Variants in GRID2 observed in about 807,000 individuals in gnomAD.
GRID2 encodes the protein glutamate receptor ionotropic, delta-2.
GRID2 carries 33 observed loss-of-function variants against 114.8 expected under a neutral mutation model. That is an observed-to-expected ratio of 0.29 (90% CI 0.22 to 0.38). The LOEUF is 0.38. Ranked by LOEUF, GRID2 falls within the 10% of genes least tolerant of loss-of-function variation. The pLI is 1.00. For synonymous variants in GRID2, 505 were observed against 449.9 expected (o/e 1.12, Z -1.55); for missense variants, 1,184 against 1,257.7 (o/e 0.94, Z 0.89).
chr4:92,337,359 G>T (rs1172539190), intron 1 of GRID2, among the ~76,000 whole-genome samples: 1 of 152,036 alleles, frequency 6.6e-6, no homozygotes, highest in Non-Finnish European at 1.5e-5. Flanking sequence ...TTGAATTAAA[G>T]GCATTGTAGC....
chr4:92,804,506 A>G (rs1381409510), intron 2 of GRID2, among the ~76,000 whole-genome samples: 1 of 152,046 alleles, frequency 6.6e-6, no homozygotes, highest in Non-Finnish European at 1.5e-5. Flanking sequence ...TGGTTAAATT[A>G]TTAGGTGAGT....
chr4:92,799,496 T>G (rs577568901), intron 2 of GRID2, among the ~76,000 whole-genome samples: 55 of 152,122 alleles, frequency 3.6e-4, no homozygotes, highest in Non-Finnish European at 5.9e-5. Context: ...ACTTTGGGAT[T>G]CTTCTGAGGC....
chr4:93,310,028 G>T (rs1015588826), intron 8 of GRID2, among the ~76,000 whole-genome samples: 1 of 152,010 alleles, frequency 6.6e-6, no homozygotes, highest in African/African-American at 2.4e-5. Flanking sequence ...TCTTCTTCTG[G>T]CTCCCCTGAT....
rs534005493 is a variant in GRID2 at position 93,783,838 on chromosome 4, C to T, written c.221+14388C>T. Among the ~76,000 whole-genome samples the T allele has an allele frequency of 2.2e-4, 33 of 151,696 alleles. No individual in the cohort carries two copies. In the South Asian group the frequency reaches 6.3e-3, roughly 29 times the overall value. ...CTGTAATCCCAGCACTTTGGGAGGC[C>T]GAGGTGGGCGGATCACGAGGTCAGG... On this transcript the variant is annotated intron_variant, in intron 1 of 1. Coordinates refer to the GRID2 transcript ENST00000637838.
intron 13 of GRID2, among the ~76,000 whole-genome samples, chr4:93,611,767 G>C (rs1330159989): frequency 7.1e-6 from 1 of 140,548 alleles, no homozygotes; most frequent in African/African-American, 2.6e-5. Context: ...GGTGTGGTGT[G>C]GTGCTGAAAA....
chr4:92,362,164 C>T (rs1359315713), intron 1 of GRID2, among the ~76,000 whole-genome samples: 1 of 152,006 alleles, frequency 6.6e-6, no homozygotes, highest in Admixed American at 6.6e-5. Context: ...GTCACCATTG[C>T]TCATGCTGTT....
In GRID2 at chr4:93,719,650, C is replaced by A. The variant is rs538523254; in HGVS notation, c.2361-49560C>A. On this transcript the variant is annotated intron_variant, in intron 14 of 15. Transcript: ENST00000282020. ...TGATGAAATCTATAGTTTTACTACA[C>A]ACTTAATAAATACTTAATACTAATG... is the stretch of plus-strand genomic sequence containing the variant. Among the ~76,000 whole-genome samples the A allele has an allele frequency of 3.3e-5, 5 of 152,276 alleles. No individual in the cohort carries two copies. In the South Asian group the frequency reaches 1.0e-3, roughly 32 times the overall value.
intron 2 of GRID2, among the ~76,000 whole-genome samples, chr4:92,638,499 T>C (rs1045097084): frequency 6.8e-5 from 10 of 147,854 alleles, no homozygotes; most frequent in African/African-American, 2.4e-4. Context: ...TAAAATTTTA[T>C]ATATATAGCA....
intron 1 of GRID2, among the ~76,000 whole-genome samples, chr4:92,445,852 A>T (rs1375231605): frequency 6.6e-6 from 1 of 152,234 alleles, no homozygotes; most frequent in Non-Finnish European, 1.5e-5. Flanking sequence ...GCTATTGTTA[A>T]TCATTTCCCA....
intron 12 of GRID2, among the ~76,000 whole-genome samples, chr4:93,502,470 C>T (rs978613157): frequency 9.3e-5 from 14 of 150,690 alleles, no homozygotes; most frequent in African/African-American, 3.4e-4. Flanking sequence ...AAAGGCAAAT[C>T]TGAAAAAAAA....
intron 1 of GRID2, among the ~76,000 whole-genome samples, chr4:92,556,973 T>A (rs182944794): frequency 4.9e-4 from 74 of 152,246 alleles, no homozygotes; most frequent in African/African-American, 1.8e-3. Context: ...AATCATCAGC[T>A]CTTACTAATA....
At chr4:93,385,725 A>T (rs1764252693) in intron 8 of GRID2, among the ~76,000 whole-genome samples, 1 of 151,956 alleles carries the variant, frequency 6.6e-6, no homozygotes, top group African/African-American at 2.4e-5. Context: ...TATAAAAAAA[A>T]ATTCACAAAA....
chr4:93,714,721 T>G (rs571750587), intron 14 of GRID2, among the ~76,000 whole-genome samples: 1 of 152,308 alleles, frequency 6.6e-6, no homozygotes, highest in East Asian at 1.9e-4. Flanking sequence ...TGGCCACATG[T>G]ATGTCTTCTT....
intron 2 of GRID2, among the ~76,000 whole-genome samples, chr4:92,886,684 G>A (rs550162045): frequency 1.3e-4 from 20 of 152,024 alleles, no homozygotes; most frequent in East Asian, 3.9e-4. Flanking sequence ...GGAGCGCAGC[G>A]GAGCGATTTA....
chr4:93,806,425 T>C (rs1735034810), intron 1 of GRID2, among the ~76,000 whole-genome samples: 1 of 152,188 alleles, frequency 6.6e-6, no homozygotes, highest in South Asian at 2.1e-4. Context: ...CACTCTAAAC[T>C]ACCAAAGTAT....
At chr4:93,226,746 G>A (rs1354337629) in intron 7 of GRID2, among the ~76,000 whole-genome samples, 4 of 152,114 alleles carry the variant, frequency 2.6e-5, no homozygotes, top group South Asian at 2.1e-4. Flanking sequence ...GTCTTAGTAC[G>A]GGCTCTCTGT....
At chr4:93,432,770 T>C (rs1769539452) in intron 10 of GRID2, among the ~76,000 whole-genome samples, 1 of 152,112 alleles carries the variant, frequency 6.6e-6, no homozygotes, top group Non-Finnish European at 1.5e-5. Context: ...TGTATTGATA[T>C]TGGTTCATTG....
chr4:92,880,571 G>A (rs1404072084), intron 2 of GRID2, among the ~76,000 whole-genome samples: 1 of 152,090 alleles, frequency 6.6e-6, no homozygotes, highest in African/African-American at 2.4e-5. Context: ...GTATATCATA[G>A]AAAGTGTTTG....
chr4:92,651,000 A>C (rs1247777620), intron 2 of GRID2, among the ~76,000 whole-genome samples: 1 of 152,092 alleles, frequency 6.6e-6, no homozygotes, highest in Non-Finnish European at 1.5e-5. Flanking sequence ...TAGTTGTACC[A>C]GTGAATTCCA....
Sources: allele counts gnomAD v4.1 joint callset (sites outside exome capture counted in the v4.1 genomes callset), GRCh38; gene constraint gnomAD v4.1.1; transcripts MANE v1.5; gene names NCBI Gene and HGNC (gene_info 2026-07-23, HGNC 2026-07-21).